PHF21A: variants seen among roughly 807,000 people sequenced by gnomAD.
PHF21A encodes BHC80a.
PHF21A carries 11 observed loss-of-function variants against 82.5 expected under a neutral mutation model. That is an observed-to-expected ratio of 0.13 (90% CI 0.08 to 0.22). The LOEUF (loss-of-function observed/expected upper bound fraction) is 0.22, where lower values mean the gene tolerates loss of function less well. Ranked by LOEUF, PHF21A falls within the 10% of genes least tolerant of loss-of-function variation. PHF21A has a pLI of 1.00. For synonymous variants in PHF21A, 297 were observed against 302.8 expected (o/e 0.98, Z 0.20); for missense variants, 579 against 837.8 (o/e 0.69, Z 3.81).
At chr11:46,069,122 A>C (rs532902947) in intron 6 of PHF21A, among the ~76,000 whole-genome samples, 37 of 152,348 alleles carry the variant, frequency 2.4e-4, no homozygotes, top group African/African-American at 8.2e-4. Flanking sequence ...CGATCTTCAG[A>C]ACTTTCATAC....
At chr11:46,000,140 C>T (rs554469033) in intron 6 of PHF21A, among the ~76,000 whole-genome samples, 4 of 152,286 alleles carry the variant, frequency 2.6e-5, no homozygotes, top group African/African-American at 9.6e-5. Context: ...TAGTACCAGT[C>T]AAATTGTTAG....
At chr11:45,939,112 G>A (rs2089821996) in intron 15 of PHF21A, among the ~76,000 whole-genome samples, 1 of 152,200 alleles carries the variant, frequency 6.6e-6, no homozygotes, top group Non-Finnish European at 1.5e-5. Flanking sequence ...GATTACAGGC[G>A]TGAGCCACTG....
chr11:46,062,944 T>TATCCA (rs2139558256), intron 6 of PHF21A, among the ~76,000 whole-genome samples: 1 of 152,278 alleles, frequency 6.6e-6, no homozygotes, highest in East Asian at 1.9e-4. Context: ...GGGGACTGGA[T>TATCCA]TGACAGAAGG....
At chr11:45,958,199 C>T (rs367959632) in intron 10 of PHF21A, among the ~76,000 whole-genome samples, 8 of 150,850 alleles carry the variant, frequency 5.3e-5, no homozygotes, top group African/African-American at 1.7e-4. Context: ...AGAATTAGCA[C>T]CAATCTGTCT....
intron 10 of PHF21A, among the ~76,000 whole-genome samples, chr11:45,958,700 G>A (rs1409097386): frequency 6.6e-6 from 1 of 151,866 alleles, no homozygotes; most frequent in Non-Finnish European, 1.5e-5. Context: ...GGGATCACTT[G>A]AGTCCACGAG....
chr11:45,968,446 ACCT>A (rs2093576754), intron 9 of PHF21A, among the ~76,000 whole-genome samples: 1 of 152,070 alleles, frequency 6.6e-6, no homozygotes, highest in South Asian at 2.1e-4. Flanking sequence ...GCCACAGCAA[ACCT>A]CCTTTGGTTC....
intron 6 of PHF21A, among the ~76,000 whole-genome samples, chr11:46,033,516 A>T (rs1048730298): frequency 1.3e-5 from 2 of 152,194 alleles, no homozygotes; most frequent in African/African-American, 2.4e-5. Context: ...CACCGGCCTC[A>T]GCCTCCCAAA....
chr11:46,051,460 T>C (rs1366557964), intron 6 of PHF21A, among the ~76,000 whole-genome samples: 1 of 152,146 alleles, frequency 6.6e-6, no homozygotes, highest in Non-Finnish European at 1.5e-5. Context: ...CAAAAGAGTT[T>C]ACTAGGCCTT....
At chr11:45,982,479 TA>T (rs1489454475) in intron 6 of PHF21A, among the ~76,000 whole-genome samples, 1 of 152,304 alleles carries the variant, frequency 6.6e-6, no homozygotes, top group East Asian at 1.9e-4. Context: ...CAAATGCTTA[TA>T]AAGTTAACTT....
intron 4 of PHF21A, among the ~76,000 whole-genome samples, chr11:46,080,656 T>C (rs1033794115): frequency 6.6e-6 from 1 of 152,038 alleles, no homozygotes; most frequent in Non-Finnish European, 1.5e-5. Flanking sequence ...CACATTTTGC[T>C]ACTATTCTTT....
intron 7 of PHF21A, among the ~76,000 whole-genome samples, chr11:45,973,728 T>C (rs2093888677): frequency 6.6e-6 from 1 of 152,248 alleles, no homozygotes; most frequent in African/African-American, 2.4e-5. Context: ...GTATTAGCCC[T>C]TGTTTTCCAT....
At chr11:45,994,398 C>T (rs1276159662) in intron 6 of PHF21A, among the ~76,000 whole-genome samples, 1 of 152,134 alleles carries the variant, frequency 6.6e-6, no homozygotes, top group Non-Finnish European at 1.5e-5. Flanking sequence ...AAAGGGGCTG[C>T]GGAAATACCA....
At chr11:46,118,881 T>TTATTTC (rs1852154716) in intron 1 of PHF21A, 1 of 152,184 alleles carries the variant, frequency 6.6e-6, no homozygotes, top group South Asian at 2.1e-4. Context: ...GCTGACCTAT[T>TTATTTC]TATTTCTATT....
chr11:45,949,516 G>C, intron 12 of PHF21A, 35 bp from the exon 13 acceptor site: 1 of 1,547,914 alleles, frequency 6.5e-7, no homozygotes, highest in Non-Finnish European at 8.9e-7. Flanking sequence ...TAGCAGAGAG[G>C]CATGGAGAAC....
chr11:46,076,985 C>T (rs2096733894), intron 5 of PHF21A, 166 bp from the exon 6 acceptor site: 3 of 535,354 alleles, frequency 5.6e-6, no homozygotes, highest in South Asian at 6.0e-5. Flanking sequence ...TCACCTAATG[C>T]ACAGATCCTA....
intron 6 of PHF21A, among the ~76,000 whole-genome samples, chr11:46,072,492 T>C (rs1194126017): frequency 6.6e-6 from 1 of 152,254 alleles, no homozygotes; most frequent in Non-Finnish European, 1.5e-5. Flanking sequence ...CCTGACATCG[T>C]GGAACCACTC....
At chr11:46,091,769 G>T (rs2096927370) in intron 2 of PHF21A, among the ~76,000 whole-genome samples, 1 of 152,098 alleles carries the variant, frequency 6.6e-6, no homozygotes, top group African/African-American at 2.4e-5. Flanking sequence ...CTTCAAGCTG[G>T]ATGACTTGAA....
At chr11:46,040,913 A>T (rs1283333420) in intron 6 of PHF21A, among the ~76,000 whole-genome samples, 1 of 148,882 alleles carries the variant, frequency 6.7e-6, no homozygotes, top group Non-Finnish European at 1.5e-5. Flanking sequence ...ACACACACAC[A>T]CACACACACA....
chr11:46,018,067 G>A (rs1269466592), intron 6 of PHF21A, among the ~76,000 whole-genome samples: 2 of 151,792 alleles, frequency 1.3e-5, no homozygotes, highest in Admixed American at 6.6e-5. Flanking sequence ...CGGCTAAAAC[G>A]GTGAAACCCC....
Sources: allele counts gnomAD v4.1 joint callset (sites outside exome capture counted in the v4.1 genomes callset), GRCh38; gene constraint gnomAD v4.1.1; transcripts MANE v1.5; gene names NCBI Gene and HGNC (gene_info 2026-07-23, HGNC 2026-07-21).